UHRF2: variants seen among roughly 807,000 people sequenced by gnomAD.
The protein encoded by UHRF2 is E3 ubiquitin-protein ligase UHRF2.
A neutral mutation model predicts 96.8 loss-of-function variants in UHRF2; 23 were observed. The observed-to-expected ratio is 0.24, with a 90% CI of 0.17 to 0.34. UHRF2 has a LOEUF of 0.34. Among genes scored for constraint, UHRF2 ranks in the 10% least tolerant of loss-of-function variants. The probability of loss-of-function intolerance (pLI) is 1.00; values close to 1 mark genes in which losing one functional copy is unlikely to be tolerated. For missense variants in UHRF2, 685 were observed against 981.5 expected, an observed-to-expected ratio of 0.70 and a Z score of 4.04; for synonymous variants, 385 against 332.6, an observed-to-expected ratio of 1.16 and a Z score of -1.72.
In UHRF2 at chr9:6,426,116, C is replaced by G. The variant is rs928724262; in HGVS notation, c.384+4974C>G. Among the ~76,000 whole-genome samples, 4 of 152,232 alleles carry G rather than the reference C, an allele frequency of 2.6e-5. No individual in the cohort carries two copies. The East Asian group carries it at 7.7e-4, about 29-fold the overall frequency. On this transcript the variant is annotated intron_variant, in intron 2 of 15. Coordinates refer to ENST00000276893, the MANE Select transcript of UHRF2 (RefSeq NM_152896.3). ...TTAAATTTCTGTTTAGCAAACTTCT[C>G]AATACTCCACTATTCCTTCCTCTTC...
rs1490756492 is a variant in UHRF2 at position 6,477,558 on chromosome 9, T to G, written c.974-64T>G. 5.5e-6 allele frequency: 8 copies of G among 1,444,268 alleles called. No individual in the cohort carries two copies. The Admixed American group carries it at 1.9e-4, about 33-fold the overall frequency. The allele number at this position is 1,444,268 out of a possible 1,614,324, so 89.5% of individuals were successfully genotyped here. On this transcript the variant is annotated intron_variant, in intron 5 of 15. Coordinates refer to ENST00000276893, the MANE Select transcript of UHRF2 (RefSeq NM_152896.3). ...AATGCTGTTTCCATGGGCTTTTCTT[T>G]ATGAGATTCATAGATATAAAAAATG...
chr9:6,477,792 C>G lies in UHRF2; in HGVS notation c.1144C>G (p.Pro382Ala). Residue 382 changes from proline to alanine, a missense_variant, in exon 6 of 16, where the codon CCA becomes GCA. Pro to Ala is a conservative substitution (Grantham distance 27). Coordinates refer to ENST00000276893, the MANE Select transcript of UHRF2 (RefSeq NM_152896.3). ...YCLNPPLDKV[P>A]EEEYWYCPSC... ...TCTGAATCCACCTTTGGATAAAGTCCCAGAAGAGGAATACTGGTATGATTA... is the reference window on the plus strand; with the variant it reads ...TCTGAATCCACCTTTGGATAAAGTCGCAGAAGAGGAATACTGGTATGATTA... 6.2e-7 allele frequency: 1 copy of G among 1,603,890 alleles called. No individual in the cohort carries two copies. Among genetic ancestry groups the G allele is most frequent in the Non-Finnish European group, 8.5e-7 (1 of 1,172,946 alleles).
At chr9:6,440,579 T>C (rs1201261913) in intron 3 of UHRF2, among the ~76,000 whole-genome samples, 1 of 152,168 alleles carries the variant, frequency 6.6e-6, no homozygotes, top group Non-Finnish European at 1.5e-5. Flanking sequence ...GCTTTAGACT[T>C]TGCCTGGGAT....
chr9:6,501,862 TAACTG>T (rs1278541816), intron 14 of UHRF2, among the ~76,000 whole-genome samples: 1 of 152,250 alleles, frequency 6.6e-6, no homozygotes, highest in Non-Finnish European at 1.5e-5. Flanking sequence ...TTGTTAGTGA[TAACTG>T]AGGTGAGTTT....
At chr9:6,452,146 A>T (rs1186392423) in intron 3 of UHRF2, among the ~76,000 whole-genome samples, 12 of 151,998 alleles carry the variant, frequency 7.9e-5, no homozygotes, top group Admixed American at 7.9e-4. Context: ...TTTCTTTTTT[A>T]TAGGAGCACA....
At chr9:6,428,444 C>T (rs140835054) in intron 2 of UHRF2, among the ~76,000 whole-genome samples, 4 of 150,124 alleles carry the variant, frequency 2.7e-5, no homozygotes, top group Admixed American at 1.3e-4. Context: ...CTTTAACAAC[C>T]TATTAATAAT....
Position 6,446,473 on chromosome 9 carries a change from G to C in UHRF2, c.644+12300G>C, listed in dbSNP as rs1211233026. ...TTTTTTAATTTTTAGTAGAAGCAGG[G>C]TTTCGCCATGTTGCCCAGGCTGGTC... On this transcript the variant is annotated intron_variant, in intron 3 of 15. Transcript: ENST00000276893. 2.0e-5 allele frequency among the ~76,000 whole-genome samples: 3 copies of C among 151,956 alleles called. No homozygotes were observed. The East Asian group carries it at 5.9e-4, about 30-fold the overall frequency.
intron 3 of UHRF2, among the ~76,000 whole-genome samples, chr9:6,442,846 C>T (rs1286589174): frequency 6.6e-6 from 1 of 152,098 alleles, no homozygotes; most frequent in Non-Finnish European, 1.5e-5. Flanking sequence ...CCATAGTTAC[C>T]ACACTACCAC....
intron 4 of UHRF2, among the ~76,000 whole-genome samples, chr9:6,465,578 A>T (rs535574006): frequency 1.3e-5 from 2 of 152,118 alleles, no homozygotes; most frequent in Non-Finnish European, 2.9e-5. Context: ...GTTGTCATAA[A>T]TTTTTTTGGT....
intron 10 of UHRF2, chr9:6,494,884 A>T (rs1310326678): frequency 1.3e-5 from 2 of 152,098 alleles, no homozygotes; most frequent in Non-Finnish European, 2.9e-5. Flanking sequence ...CTCTGTTTTT[A>T]TGTGTTCTAT....
chr9:6,448,586 G>A (rs549043920), intron 3 of UHRF2, among the ~76,000 whole-genome samples: 28 of 152,294 alleles, frequency 1.8e-4, no homozygotes, highest in African/African-American at 5.3e-4. Context: ...ATATGTGAAC[G>A]CTTAATGCAG....
chr9:6,504,522 C>G, intron 14 of UHRF2, 71 bp from the exon 15 acceptor site: 1 of 966,502 alleles, frequency 1.0e-6, no homozygotes, highest in Non-Finnish European at 1.6e-6. Flanking sequence ...TTGAAATACA[C>G]AGTAGATGAA....
chr9:6,416,178 C>T (rs1819588832), intron 1 of UHRF2, among the ~76,000 whole-genome samples: 2 of 152,130 alleles, frequency 1.3e-5, no homozygotes, highest in South Asian at 2.1e-4. Flanking sequence ...ATTCCCCTGC[C>T]GCAGTCTCCC....
chr9:6,497,402 G>T (rs1249216971), intron 11 of UHRF2, 42 bp downstream of exon 11: 2 of 1,601,002 alleles, frequency 1.2e-6, no homozygotes, highest in South Asian at 2.2e-5. Context: ...ATTCTTCCTG[G>T]GCTTTCAAGG....
At chr9:6,498,720 G>C (rs1825109393) in intron 12 of UHRF2, 1 of 152,468 alleles carries the variant, frequency 6.6e-6, no homozygotes, top group South Asian at 2.1e-4. Flanking sequence ...ATAGTGGATG[G>C]TATGGCTGCA....
intron 3 of UHRF2, among the ~76,000 whole-genome samples, chr9:6,435,689 C>G (rs1352493414): frequency 3.3e-5 from 5 of 152,150 alleles, no homozygotes; most frequent in Non-Finnish European, 5.9e-5. Flanking sequence ...TCACTGCAAC[C>G]TCTGCCTTTC....
At chr9:6,459,059 G>A (rs887441454) in intron 3 of UHRF2, among the ~76,000 whole-genome samples, 2 of 152,144 alleles carry the variant, frequency 1.3e-5, no homozygotes, top group African/African-American at 4.8e-5. Flanking sequence ...ACACAGAGGG[G>A]CCTGTCGGAG....
intron 8 of UHRF2, among the ~76,000 whole-genome samples, chr9:6,484,362 G>A (rs1824118223): frequency 6.6e-6 from 1 of 151,512 alleles, no homozygotes; most frequent in African/African-American, 2.4e-5. Flanking sequence ...AGGCTTAGTG[G>A]CGGCGGTGGT....
chr9:6,443,114 A>G (rs1275308292), intron 3 of UHRF2, among the ~76,000 whole-genome samples: 4 of 152,234 alleles, frequency 2.6e-5, no homozygotes, highest in African/African-American at 9.6e-5. Flanking sequence ...GAAAATTCTT[A>G]TGAAAGTTAA....
Sources: allele counts gnomAD v4.1 joint callset (sites outside exome capture counted in the v4.1 genomes callset), GRCh38; gene constraint gnomAD v4.1.1; transcripts MANE v1.5; gene names NCBI Gene and HGNC (gene_info 2026-07-23, HGNC 2026-07-21).